The following HIPK2 variants were observed in gnomAD, a reference collection of about 807,000 sequenced individuals.
The protein encoded by HIPK2 is homeodomain interacting protein kinase 2.
Under a neutral mutation model 113.7 loss-of-function variants are expected in HIPK2, and 27 were observed. The ratio of observed to expected loss-of-function variants is 0.24; its 90% CI spans 0.17 to 0.33. HIPK2 has a LOEUF of 0.33. Ranked by LOEUF, HIPK2 falls within the 10% of genes least tolerant of loss-of-function variation. HIPK2 has a pLI of 1.00. For missense variants in HIPK2, 1,257 were observed against 1,588.0 expected (o/e 0.79, Z 3.54); for synonymous variants, 631 against 642.2 (o/e 0.98, Z 0.26).
At chr7:139,583,343 G>A (rs1176878190) in intron 13 of HIPK2, among the ~76,000 whole-genome samples, 3 of 152,274 alleles carry the variant, frequency 2.0e-5, no homozygotes, top group South Asian at 2.1e-4. Flanking sequence ...TGGTCTCGCC[G>A]CCCAGCAGCT....
chr7:139,643,449 T>A (rs1463279095), intron 2 of HIPK2, among the ~76,000 whole-genome samples: 1 of 152,102 alleles, frequency 6.6e-6, no homozygotes, highest in Non-Finnish European at 1.5e-5. Flanking sequence ...CTGCTCCAAC[T>A]CTGCTAAGCG....
At chr7:139,708,542 C>A (rs904936256) in intron 2 of HIPK2, among the ~76,000 whole-genome samples, 1 of 152,194 alleles carries the variant, frequency 6.6e-6, no homozygotes, top group Non-Finnish European at 1.5e-5. Flanking sequence ...CTACCTTGAG[C>A]CCAAGAGTAG....
rs986229046 is a variant in HIPK2 at position 139,630,633 on chromosome 7, A to G, written c.1347+532T>C. On this transcript the variant is annotated intron_variant, in intron 4 of 14. Transcript: ENST00000406875. The surrounding 1 kb of genome is among the most constrained non-coding windows in gnomAD (Gnocchi z 4.0). Reference sequence around the variant, plus strand: ...GGCTGGTCTCGAATTCATGACCTCAAGTGATCCACCCGCCTCAGCCTCCCG... The same window carrying G: ...GGCTGGTCTCGAATTCATGACCTCAGGTGATCCACCCGCCTCAGCCTCCCG... 2.6e-5 allele frequency among the ~76,000 whole-genome samples: 4 copies of G among 152,120 alleles called. No individual in the cohort carries two copies. The highest frequency in any genetic ancestry group is 4.8e-5 in the African/African-American group (2 of 41,420).
chr7:139,726,084 T>C (rs916940410), intron 1 of HIPK2, among the ~76,000 whole-genome samples: 3 of 152,208 alleles, frequency 2.0e-5, no homozygotes, highest in African/African-American at 4.8e-5. Context: ...TCATCTCTCA[T>C]TTCTGTGTCT....
rs746610328 is a variant in HIPK2, at chr7:139,717,002, A to T, written c.33T>A (p.His11Gln). The stretch of plus-strand genomic sequence containing the variant: ...GGGTGTGAGGGGAGAAAACTTGCAC[A>T]TGTGAGGCCATACCTACAAGGAAAG... MAPVYEGMAS[H>Q]VQVFSPHTLQ... The change falls in exon 2 of 15, where the codon CAT (histidine) becomes CAA (glutamine). Residue 11 changes from histidine to glutamine, a missense_variant. Transcript: ENST00000406875. The T allele has an allele frequency of 3.7e-6, 6 of 1,609,082 alleles. No homozygotes were observed. The highest frequency in any genetic ancestry group is 5.1e-6 in the Non-Finnish European group (6 of 1,175,862).
chr7:139,591,483 C>T (rs1799023344), intron 12 of HIPK2, among the ~76,000 whole-genome samples: 1 of 152,222 alleles, frequency 6.6e-6, no homozygotes, highest in Non-Finnish European at 1.5e-5. Flanking sequence ...TCTGCCACCC[C>T]TCTTCCTCCT....
intron 2 of HIPK2, among the ~76,000 whole-genome samples, chr7:139,702,493 C>G (rs1794740223): frequency 6.6e-6 from 1 of 152,144 alleles, no homozygotes; most frequent in Admixed American, 6.5e-5. Flanking sequence ...GGATACGTAC[C>G]CCATTACATC....
intron 2 of HIPK2, among the ~76,000 whole-genome samples, chr7:139,637,188 A>G (rs1800842495): frequency 1.3e-5 from 2 of 151,908 alleles, no homozygotes; most frequent in Non-Finnish European, 1.5e-5. Flanking sequence ...CAGCCTTTCC[A>G]CTTGTCTCTC....
intron 1 of HIPK2, among the ~76,000 whole-genome samples, chr7:139,755,786 G>A (rs1245606767): frequency 6.6e-6 from 1 of 152,236 alleles, no homozygotes; most frequent in Admixed American, 6.5e-5. Flanking sequence ...GCTTCGGTAC[G>A]GTGTCCTTCC....
At chr7:139,620,242 G>T in intron 7 of HIPK2, 159 bp downstream of exon 7, 1 of 583,466 alleles carries the variant, frequency 1.7e-6, no homozygotes, top group Non-Finnish European at 2.2e-6. Context: ...AAATGTGCCT[G>T]GGTCCCTCAA....
chr7:139,678,051 A>G (rs931764697), intron 2 of HIPK2, among the ~76,000 whole-genome samples: 1 of 152,094 alleles, frequency 6.6e-6, no homozygotes, highest in Non-Finnish European at 1.5e-5. Context: ...TCCTTCGGCC[A>G]CTTTTTGATG....
At position 139,569,740 on chromosome 7, in the gene HIPK2, C is replaced by CA. The variant is rs1569437642; in HGVS notation, c.*3186_*3187insT. 6.9e-6 allele frequency: 1 copy of CA among 145,788 alleles called. No homozygotes were observed. The highest frequency in any genetic ancestry group is 1.5e-5 in the Non-Finnish European group (1 of 65,866). 9.0% of individuals were successfully genotyped at this position (145,788 alleles called of 1,614,324 possible). ...AATTTTCCTACTTCCTAAGTCTTTC[C>CA]TTTTTTTTTTTGCCTGACAAAACTG... On this transcript the variant is annotated 3_prime_UTR_variant, in exon 15 of 15. Coordinates refer to ENST00000406875, the MANE Select transcript of HIPK2 (RefSeq NM_022740.5).
intron 2 of HIPK2, among the ~76,000 whole-genome samples, chr7:139,710,852 A>G (rs940569445): frequency 5.3e-5 from 8 of 152,102 alleles, no homozygotes; most frequent in Admixed American, 4.6e-4. Context: ...GTTTAAAAGC[A>G]TGTAGCACCT....
At chr7:139,618,184 G>A (rs1000697016) in intron 7 of HIPK2, among the ~76,000 whole-genome samples, 4 of 152,162 alleles carry the variant, frequency 2.6e-5, no homozygotes, top group South Asian at 2.1e-4. Context: ...ATCTCACAAC[G>A]TTGCTGGGAG....
At chr7:139,608,252 CGTGTGTGTGTGT>C (rs55989071) in intron 9 of HIPK2, among the ~76,000 whole-genome samples, 9 of 136,964 alleles carry the variant, frequency 6.6e-5, no homozygotes, top group South Asian at 2.3e-4. Context: ...CAAAAAAATA[CGTGTGTGTGTGT>C]GTGTGTGTGT....
chr7:139,716,000 G>T lies in HIPK2; in HGVS notation c.1035C>A (p.Ile345=). The T allele has an allele frequency of 6.2e-7, 1 of 1,614,144 alleles. No individual in the cohort carries two copies. Among genetic ancestry groups the T allele is most frequent in the Non-Finnish European group, 8.5e-7 (1 of 1,180,016 alleles). Residue 345 remains isoleucine, a synonymous_variant, in exon 2 of 15, where the codon ATC becomes ATA. Transcript: ENST00000406875. ...AGACGTGGCTGGCTGAACCAAAGTC[G>T]ATGACCTTGACTCTGTATGGTTGTC... ...PSRQPYRVKV[I]DFGSASHVSK...
chr7:139,620,688 A>G, intron 6 of HIPK2, 125 bp from the exon 7 acceptor site: 1 of 1,274,192 alleles, frequency 7.8e-7, no homozygotes. Context: ...ACAAGCAGGG[A>G]AACTAAACTT....
At chr7:139,634,634 A>C (rs10268750) in intron 2 of HIPK2, among the ~76,000 whole-genome samples, 24,123 of 149,448 alleles carry the variant, frequency 0.16, 2,534 homozygotes, top group African/African-American at 0.3. Flanking sequence ...TATTTAAAAC[A>C]TCACATCCCT....
intron 9 of HIPK2, among the ~76,000 whole-genome samples, chr7:139,611,825 T>A (rs1231034583): frequency 6.6e-6 from 1 of 152,188 alleles, no homozygotes; most frequent in East Asian, 1.9e-4. Context: ...ACTACAGGCC[T>A]GGGACTACAG....
Sources: allele counts gnomAD v4.1 joint callset (sites outside exome capture counted in the v4.1 genomes callset), GRCh38; gene constraint gnomAD v4.1.1; non-coding constraint Gnocchi (gnomAD v3.1); transcripts MANE v1.5; gene names NCBI Gene and HGNC (gene_info 2026-07-23, HGNC 2026-07-21).